Variants in KNTC1 observed in about 807,000 individuals in gnomAD.
The protein encoded by KNTC1 is kinetochore-associated protein 1.
Under a neutral mutation model 314.4 loss-of-function variants are expected in KNTC1, and 253 were observed. The ratio of observed to expected loss-of-function variants is 0.80; its 90% confidence interval spans 0.73 to 0.89. The LOEUF (loss-of-function observed/expected upper bound fraction) is 0.89, where lower values mean the gene tolerates loss of function less well. KNTC1 is among the 40% of genes least tolerant of loss of function. KNTC1 has a pLI of 0.00. For synonymous variants in KNTC1, 901 were observed against 901.4 expected (o/e 1.00, Z 0.01); for missense variants, 2,475 against 2,572.9 (o/e 0.96, Z 0.82).
intron 57 of KNTC1, chr12:122,617,525 G>A: frequency 3.9e-6 from 1 of 257,752 alleles, no homozygotes; most frequent in Non-Finnish European, 8.1e-6. Flanking sequence ...CGCCTGGCCA[G>A]TGTTCTTTCC....
chr12:122,539,468 G>A (rs151280838), intron 4 of KNTC1, among the ~76,000 whole-genome samples: 304 of 152,292 alleles, frequency 2.0e-3, no homozygotes, highest in African/African-American at 7.0e-3. Context: ...GGTTTAGTAG[G>A]CTTGTGGCTC....
At chr12:122,561,078 C>T (rs1181857830) in intron 18 of KNTC1, among the ~76,000 whole-genome samples, 1 of 152,020 alleles carries the variant, frequency 6.6e-6, no homozygotes, top group Non-Finnish European at 1.5e-5. Flanking sequence ...TTGGGAGGCC[C>T]AGGAGAGCAG....
chr12:122,536,204 C>T (rs1180025136), intron 3 of KNTC1, among the ~76,000 whole-genome samples: 2 of 150,742 alleles, frequency 1.3e-5, no homozygotes, highest in East Asian at 2.0e-4. Flanking sequence ...CACCCGACCC[C>T]GAAAGTTTTT....
chr12:122,578,131 A>G (rs1361084762), intron 31 of KNTC1, among the ~76,000 whole-genome samples: 1 of 152,246 alleles, frequency 6.6e-6, no homozygotes, highest in African/African-American at 2.4e-5. Context: ...AATGTCAGCT[A>G]CAAAACCAAT....
At chr12:122,557,746 C>T (rs1009559499) in intron 18 of KNTC1, 57 bp downstream of exon 18, 41 of 1,191,610 alleles carry the variant, frequency 3.4e-5, no homozygotes, top group Non-Finnish European at 5.0e-5. Flanking sequence ...TTGCTTTAAT[C>T]TCTCATAATC....
At chr12:122,586,447 T>C (rs1207174827) in intron 37 of KNTC1, among the ~76,000 whole-genome samples, 2 of 152,242 alleles carry the variant, frequency 1.3e-5, no homozygotes, top group Non-Finnish European at 2.9e-5. Flanking sequence ...GTTATACACT[T>C]ACCTGTGCAT....
Position 122,603,058 on chromosome 12 carries a change from C to T in KNTC1, c.4916C>T (p.Ala1639Val). 6.2e-7 allele frequency: 1 copy of T among 1,613,638 alleles called. No homozygotes were observed. Among genetic ancestry groups the T allele is most frequent in the Non-Finnish European group, 8.5e-7 (1 of 1,179,768 alleles). Residue 1639 changes from alanine (A) to valine (V), a missense_variant, in exon 48 of 64, where the codon GCA (alanine) becomes GTA (valine). Ala to Val is a moderately conservative substitution (Grantham distance 64). Transcript: ENST00000333479. ...FSLDTLYVST[A>V]KHVFEKKLKP... ...CTGGACACTCTGTACGTGTCTACAG[C>T]AAAACACGTTTTCGAAAAAAAACTG...
chr12:122,599,745 G>A (rs1871576495), intron 44 of KNTC1, among the ~76,000 whole-genome samples: 1 of 152,130 alleles, frequency 6.6e-6, no homozygotes, highest in African/African-American at 2.4e-5. Context: ...AAATTTCTAG[G>A]TAACAATATT....
Position 122,545,996 on chromosome 12 carries a change from CTG to C in KNTC1, c.670-178_670-177del, listed in dbSNP as rs917879626. Among the ~76,000 whole-genome samples, 27 of 151,154 alleles carry C rather than the reference CTG, an allele frequency of 1.8e-4. 1 individual carries two copies. The highest frequency in any genetic ancestry group is 2.4e-4 in the Non-Finnish European group (16 of 67,820). On this transcript the variant is annotated intron_variant, in intron 8 of 63. Transcript: ENST00000333479. ...AATAACCATGAATTCCAATAGTACA[CTG>C]TTTTTTTCATTCTCTTCAGAAACCA...
chr12:122,574,434 A>G (rs952017798), intron 27 of KNTC1, 54 bp downstream of exon 27: 4 of 1,111,544 alleles, frequency 3.6e-6, no homozygotes, highest in Non-Finnish European at 5.2e-6. Context: ...ATCTTTTCTG[A>G]AAGCTTTTTT....
In KNTC1 at chr12:122,609,408, CAAG is replaced by C. The variant is rs1435940077; in HGVS notation, c.5526_5528del (p.Glu1842del). On this transcript the variant is annotated inframe_deletion, in exon 52 of 64. Transcript: ENST00000333479. ...GAAACCATCAGAATTATTTGAACTT[CAAG>C]AAGATGAAGCCCTACGAAGGTACTC... The C allele has an allele frequency of 6.3e-7, 1 of 1,586,536 alleles. No homozygotes were observed. The highest frequency in any genetic ancestry group is 1.3e-5 in the African/African-American group (1 of 74,320).
chr12:122,616,098 C>T (rs1223349881), intron 57 of KNTC1, among the ~76,000 whole-genome samples: 1 of 152,060 alleles, frequency 6.6e-6, no homozygotes, highest in African/African-American at 2.4e-5. Context: ...CCCATATAAT[C>T]ATAATATATA....
intron 18 of KNTC1, among the ~76,000 whole-genome samples, chr12:122,560,852 T>A (rs80094751): frequency 0.011 from 1,606 of 152,228 alleles, 29 homozygotes; most frequent in African/African-American, 0.037. Flanking sequence ...CATTGCAGCC[T>A]CAAACTCCTG....
intron 34 of KNTC1, 75 bp from the exon 35 acceptor site, chr12:122,584,203 T>C (rs1168518287): frequency 2.9e-5 from 28 of 978,938 alleles, no homozygotes; most frequent in South Asian, 8.9e-5. Flanking sequence ...GGTGGTGATA[T>C]ATTAATCCAA....
intron 50 of KNTC1, 59 bp from the exon 51 acceptor site, chr12:122,605,247 G>A (rs1021897645): frequency 1.7e-6 from 2 of 1,173,014 alleles, no homozygotes; most frequent in Non-Finnish European, 2.4e-6. Context: ...ACACATATAA[G>A]TATTCAATAT....
At position 122,576,932 on chromosome 12, in the gene KNTC1, C is replaced by A. The variant is rs183574130; in HGVS notation, c.2624C>A (p.Ser875Tyr). 9.9e-5 allele frequency: 158 copies of A among 1,596,940 alleles called. No individual in the cohort carries two copies. Among genetic ancestry groups the A allele is most frequent in the Non-Finnish European group, 1.3e-4 (150 of 1,172,342 alleles). The change falls in exon 30 of 64, where the codon TCT (serine) becomes TAT (tyrosine). Residue 875 changes from serine (S) to tyrosine (Y), a missense_variant. By Grantham distance (144) the Ser-to-Tyr change is moderately radical (BLOSUM62 -2). Coordinates refer to ENST00000333479, the MANE Select transcript of KNTC1 (RefSeq NM_014708.6). ...VRYILKQDVP[S>Y]SLEDALKVAQ... ...TACATTCTCAAACAAGATGTCCCATCTTCTTTAGAAGATGCTTTAAAGGTA... is the reference window on the plus strand; with the variant it reads ...TACATTCTCAAACAAGATGTCCCATATTCTTTAGAAGATGCTTTAAAGGTA...
intron 22 of KNTC1, 80 bp from the exon 23 acceptor site, chr12:122,570,796 A>G: frequency 6.3e-6 from 6 of 946,744 alleles, no homozygotes; most frequent in Non-Finnish European, 9.6e-6. Flanking sequence ...TATTTAAAGG[A>G]AAAAAAAGAA....
At chr12:122,558,966 C>G (rs1249415054) in intron 18 of KNTC1, among the ~76,000 whole-genome samples, 3 of 152,182 alleles carry the variant, frequency 2.0e-5, no homozygotes, top group Admixed American at 2.0e-4. Flanking sequence ...TACCTCCTGT[C>G]TCTCTAGATT....
At chr12:122,576,143 TC>T (rs1265281712) in intron 29 of KNTC1, among the ~76,000 whole-genome samples, 1 of 152,070 alleles carries the variant, frequency 6.6e-6, no homozygotes, top group Non-Finnish European at 1.5e-5. Context: ...CACCACAACC[TC>T]CGCCTTCTGG....
Sources: allele counts gnomAD v4.1 joint callset (sites outside exome capture counted in the v4.1 genomes callset), GRCh38; gene constraint gnomAD v4.1.1; transcripts MANE v1.5; gene names NCBI Gene and HGNC (gene_info 2026-07-23, HGNC 2026-07-21).